PDE11A: variants seen among roughly 807,000 people sequenced by gnomAD.
PDE11A encodes phosphodiesterase 11A, also known as dual 3',5'-cyclic-AMP and -GMP phosphodiesterase 11A.
Under a neutral mutation model 100.5 loss-of-function variants are expected in PDE11A, and 100 were observed. The observed-to-expected ratio is 1.00, with a 90% CI of 0.85 to 1.18. The LOEUF is 1.18. Among genes scored for constraint, PDE11A ranks in the 50% most tolerant of loss-of-function variants. The pLI is 0.00. For synonymous variants in PDE11A, 381 were observed against 420.8 expected, an observed-to-expected ratio of 0.91 and a Z score of 1.16; for missense variants, 1,141 against 1,152.6, an observed-to-expected ratio of 0.99 and a Z score of 0.15.
chr2:177,863,216 A>G (rs1166526651), intron 5 of PDE11A, among the ~76,000 whole-genome samples: 7 of 151,980 alleles, frequency 4.6e-5, no homozygotes, highest in Non-Finnish European at 1.0e-4. Context: ...AAGACCAAAA[A>G]CTATAAAATT....
chr2:177,923,628 A>G lies in PDE11A; in HGVS notation c.1072-18441T>C, dbSNP rs141138065. On this transcript the variant is annotated intron_variant, in intron 2 of 19. Transcript: ENST00000286063. ...ATGCCCATGATTGAGCTTTGAGTAG[A>G]GCTTTGGGCTAAGAGGTGGGGACAA... 7.2e-3 allele frequency among the ~76,000 whole-genome samples: 1,090 copies of G among 152,310 alleles called. 12 individuals are homozygous for G. Among genetic ancestry groups the G allele is most frequent in the African/African-American group, 0.025 (1,053 of 41,556 alleles).
intron 9 of PDE11A, among the ~76,000 whole-genome samples, chr2:177,814,936 C>G (rs953992644): frequency 2.0e-5 from 3 of 152,154 alleles, no homozygotes; most frequent in Non-Finnish European, 4.4e-5. Context: ...ATTCTAGCTC[C>G]TTCTCAAGAG....
At chr2:177,769,400 T>C in intron 9 of PDE11A, 27 bp from the exon 10 acceptor site, 2 of 1,348,440 alleles carry the variant, frequency 1.5e-6, no homozygotes, top group Non-Finnish European at 2.1e-6. Context: ...AAAAATAATT[T>C]TAATAACTAG....
intron 17 of PDE11A, among the ~76,000 whole-genome samples, chr2:177,672,802 G>C (rs1319507927): frequency 1.3e-5 from 2 of 152,292 alleles, no homozygotes; most frequent in Non-Finnish European, 1.5e-5. Flanking sequence ...AGATAAAATT[G>C]CTTCTCAATT....
At chr2:178,085,539 TA>T (rs56201348) in intron 2 of PDE11A, among the ~76,000 whole-genome samples, 27,029 of 148,900 alleles carry the variant, frequency 0.18, 2,605 homozygotes, top group Non-Finnish European at 0.22. Context: ...ATAGTTGAAA[TA>T]AAAAAAAAAA....
chr2:177,777,405 C>A (rs545269116), intron 9 of PDE11A, among the ~76,000 whole-genome samples: 1 of 152,082 alleles, frequency 6.6e-6, no homozygotes, highest in South Asian at 2.1e-4. Flanking sequence ...TCAAGAGAAT[C>A]GTTACTGTTT....
At position 177,876,751 on chromosome 2, in the gene PDE11A, C is replaced by G. The variant is rs1443466093; in HGVS notation, c.1303-828G>C. 2.0e-5 allele frequency among the ~76,000 whole-genome samples: 3 copies of G among 148,232 alleles called. 1 individual carries two copies. Among genetic ancestry groups the G allele is most frequent in the Admixed American group, 2.0e-4 (3 of 15,082 alleles). ...AGGCAACTGGCATGAAAGGAATTCT[C>G]TCTGATGCTAGAGTGCTAGCTCTTT... is the stretch of plus-strand genomic sequence containing the variant. On this transcript the variant is annotated intron_variant, in intron 4 of 19. Coordinates refer to ENST00000286063, the MANE Select transcript of PDE11A (RefSeq NM_016953.4).
intron 2 of PDE11A, among the ~76,000 whole-genome samples, chr2:177,916,032 T>C (rs1383004465): frequency 6.6e-6 from 1 of 152,236 alleles, no homozygotes; most frequent in Non-Finnish European, 1.5e-5. Flanking sequence ...TAATACATTC[T>C]TATTTTCTGC....
chr2:177,727,586 A>T (rs1475628182), intron 12 of PDE11A, 72 bp downstream of exon 12: 8 of 898,442 alleles, frequency 8.9e-6, no homozygotes, highest in Non-Finnish European at 1.5e-5. Flanking sequence ...AGAGAAATGG[A>T]AATGTAAAGG....
chr2:177,881,971 C>T (rs1291163177), intron 4 of PDE11A, among the ~76,000 whole-genome samples: 1 of 152,160 alleles, frequency 6.6e-6, no homozygotes, highest in African/African-American at 2.4e-5. Flanking sequence ...TGTAATATAG[C>T]TATATTCAGA....
intron 2 of PDE11A, among the ~76,000 whole-genome samples, chr2:177,930,075 T>G (rs1264562489): frequency 2.0e-5 from 3 of 152,114 alleles, no homozygotes; most frequent in Non-Finnish European, 2.9e-5. Context: ...AGATTTCTCA[T>G]TGCTCAATTT....
At chr2:178,089,118 T>C (rs1249610762) in intron 2 of PDE11A, among the ~76,000 whole-genome samples, 1 of 152,132 alleles carries the variant, frequency 6.6e-6, no homozygotes, top group East Asian at 1.9e-4. Flanking sequence ...AAGGAATTTA[T>C]TATAGGAATT....
intron 1 of PDE11A, among the ~76,000 whole-genome samples, chr2:178,107,469 G>A (rs1168780490): frequency 6.6e-6 from 1 of 150,774 alleles, no homozygotes; most frequent in African/African-American, 2.4e-5. Flanking sequence ...ATTAAATAGA[G>A]TAACAGTAGC....
chr2:177,961,952 G>A (rs2085638807), intron 2 of PDE11A, among the ~76,000 whole-genome samples: 1 of 150,864 alleles, frequency 6.6e-6, no homozygotes, highest in South Asian at 2.1e-4. Context: ...AGCTACTCGG[G>A]AGGCTGAGGC....
intron 1 of PDE11A, among the ~76,000 whole-genome samples, chr2:178,038,358 A>G (rs1052196520): frequency 6.6e-6 from 1 of 151,746 alleles, no homozygotes. Context: ...TGCATTTTCT[A>G]GAGTTTTATC....
chr2:177,845,074 G>T (rs1234706970), intron 5 of PDE11A, among the ~76,000 whole-genome samples: 1 of 151,520 alleles, frequency 6.6e-6, no homozygotes. Flanking sequence ...AGACGGGGTG[G>T]TGGCCGGGCA....
chr2:178,080,411 C>G (rs988948075), intron 2 of PDE11A, among the ~76,000 whole-genome samples: 1 of 152,090 alleles, frequency 6.6e-6, no homozygotes, highest in African/African-American at 2.4e-5. Context: ...GAATCCTTTC[C>G]CCATTGCTTG....
chr2:177,658,919 T>C (rs1360574733), intron 19 of PDE11A, among the ~76,000 whole-genome samples: 2 of 152,132 alleles, frequency 1.3e-5, no homozygotes, highest in Non-Finnish European at 2.9e-5. Context: ...AGAGAACCTA[T>C]TAATATTGCA....
intron 1 of PDE11A, among the ~76,000 whole-genome samples, chr2:178,051,570 TAA>T (rs1455004341): frequency 6.6e-6 from 1 of 152,084 alleles, no homozygotes; most frequent in Admixed American, 6.6e-5. Context: ...GCAAATTGGA[TAA>T]AGAGTCAAGA....
Sources: allele counts gnomAD v4.1 joint callset (sites outside exome capture counted in the v4.1 genomes callset), GRCh38; gene constraint gnomAD v4.1.1; transcripts MANE v1.5; gene names NCBI Gene and HGNC (gene_info 2026-07-23, HGNC 2026-07-21).